ZNF407: variants seen among roughly 807,000 people sequenced by gnomAD.
ZNF407 encodes zinc finger protein 407.
ZNF407 carries 17 observed loss-of-function variants against 131.2 expected under a neutral mutation model. The ratio of observed to expected loss-of-function variants is 0.13; its 90% CI spans 0.09 to 0.19. The LOEUF is 0.19. Ranked by LOEUF, ZNF407 falls within the 10% of genes least tolerant of loss-of-function variation. ZNF407 has a pLI of 1.00. For synonymous variants in ZNF407, 1,156 were observed against 1,062.0 expected, an observed-to-expected ratio of 1.09 and a Z score of -1.72; for missense variants, 2,681 against 2,830.6, an observed-to-expected ratio of 0.95 and a Z score of 1.20.
intron 8 of ZNF407, chr18:75,061,770 A>T (rs1335398584): frequency 6.6e-6 from 1 of 152,492 alleles, no homozygotes; most frequent in African/African-American, 2.4e-5. Context: ...CAGGGGATGC[A>T]CCCAGCTCCG....
intron 1 of ZNF407, among the ~76,000 whole-genome samples, chr18:74,605,149 T>C (rs185781130): frequency 8.5e-5 from 13 of 152,290 alleles, no homozygotes; most frequent in Admixed American, 5.9e-4. Flanking sequence ...GGGGTCTGCC[T>C]TCCCGGGGCC....
intron 3 of ZNF407, among the ~76,000 whole-genome samples, chr18:74,720,388 A>G (rs1339658537): frequency 3.3e-5 from 5 of 149,922 alleles, no homozygotes; most frequent in African/African-American, 7.3e-5. Flanking sequence ...AATTCTTTCT[A>G]TAAGTGGTGA....
chr18:74,888,429 A>G (rs1264422346), intron 6 of ZNF407, among the ~76,000 whole-genome samples: 1 of 152,142 alleles, frequency 6.6e-6, no homozygotes, highest in East Asian at 1.9e-4. Flanking sequence ...CATCAAATCA[A>G]TGTAACATTA....
In ZNF407 at chr18:74,721,594, A is replaced by T. The variant is rs533372857; in HGVS notation, c.4803-59834A>T. On this transcript the variant is annotated intron_variant, in intron 3 of 8. Transcript: ENST00000299687. ...AAAATCTATAGTGTTTCTGTGAAAA[A>T]TTTTTTTTTATTTTCAAAATATTTG... is the stretch of plus-strand genomic sequence containing the variant. Among the ~76,000 whole-genome samples the T allele has an allele frequency of 6.8e-4, 103 of 151,986 alleles. No individual in the cohort carries two copies. In the South Asian group the frequency reaches 8.3e-3, roughly 12 times the overall value.
At chr18:74,823,855 A>G (rs1970374451) in intron 4 of ZNF407, among the ~76,000 whole-genome samples, 1 of 152,216 alleles carries the variant, frequency 6.6e-6, no homozygotes, top group African/African-American at 2.4e-5. Flanking sequence ...CTCTGGACCA[A>G]GCAGACCTAA....
At chr18:74,676,064 A>G (rs901114079) in intron 3 of ZNF407, among the ~76,000 whole-genome samples, 1 of 152,108 alleles carries the variant, frequency 6.6e-6, no homozygotes, top group Non-Finnish European at 1.5e-5. Context: ...TTTTCAACTT[A>G]CATTTTTTTG....
rs749436790 is a variant in ZNF407 at position 74,631,161 on chromosome 18, A to G, written c.142A>G (p.Met48Val). 4 of 1,613,860 alleles carry G rather than the reference A, an allele frequency of 2.5e-6. No individual in the cohort carries two copies. The highest frequency in any genetic ancestry group is 2.2e-5 in the South Asian group (2 of 91,080). Residue 48 changes from methionine (M) to valine (V), a missense_variant, in exon 2 of 9, where the codon ATG becomes GTG. By Grantham distance (21) the Met-to-Val change is conservative (BLOSUM62 1). This residue lies in a region of ZNF407 where 1,789 missense variants were observed against 1,748.7 expected (regional missense o/e 1.02). Transcript: ENST00000299687. ...DVIASFPENS[M>V]GKRGFSESSN... ...GATAGCAAGTTTCCCTGAGAATTCT[A>G]TGGGCAAAAGAGGTTTTTCAGAATC... is the stretch of plus-strand genomic sequence containing the variant.
intron 8 of ZNF407, among the ~76,000 whole-genome samples, chr18:74,990,913 T>G (rs777741390): frequency 6.6e-6 from 1 of 152,168 alleles, no homozygotes; most frequent in Non-Finnish European, 1.5e-5. Flanking sequence ...CTCCCTTGTC[T>G]TCAAGACACA....
At chr18:75,024,962 A>G (rs2122210403) in intron 8 of ZNF407, among the ~76,000 whole-genome samples, 1 of 152,350 alleles carries the variant, frequency 6.6e-6, no homozygotes, top group East Asian at 1.9e-4. Flanking sequence ...ATTTAAAAAA[A>G]TGTGTGTTTG....
chr18:74,888,686 A>T (rs973286826), intron 6 of ZNF407, among the ~76,000 whole-genome samples: 1 of 152,182 alleles, frequency 6.6e-6, no homozygotes, highest in Non-Finnish European at 1.5e-5. Context: ...TTAAAATTAA[A>T]TATCCTTGTT....
At chr18:74,949,020 A>G (rs1023368907) in intron 8 of ZNF407, among the ~76,000 whole-genome samples, 3 of 152,234 alleles carry the variant, frequency 2.0e-5, no homozygotes, top group Non-Finnish European at 4.4e-5. Context: ...AAGGAAGTCT[A>G]CAGCCAGCCA....
intron 3 of ZNF407, among the ~76,000 whole-genome samples, chr18:74,641,775 A>G (rs1984732258): frequency 1.3e-5 from 2 of 152,228 alleles, no homozygotes; most frequent in Non-Finnish European, 2.9e-5. Flanking sequence ...TGATTAATTT[A>G]GCAGAAATGT....
chr18:74,768,802 C>T (rs942040170), intron 3 of ZNF407, among the ~76,000 whole-genome samples: 9 of 152,176 alleles, frequency 5.9e-5, no homozygotes, highest in African/African-American at 1.4e-4. Context: ...TTATTACCCT[C>T]TTTGGCCATA....
chr18:74,980,461 G>A (rs1030213434), intron 8 of ZNF407, among the ~76,000 whole-genome samples: 4 of 151,756 alleles, frequency 2.6e-5, no homozygotes, highest in South Asian at 2.1e-4. Flanking sequence ...CCACTACCAC[G>A]CCCGGCTAAT....
intron 4 of ZNF407, among the ~76,000 whole-genome samples, chr18:74,867,474 C>T (rs937030706): frequency 6.6e-6 from 1 of 152,254 alleles, no homozygotes; most frequent in East Asian, 1.9e-4. Context: ...AATATTGACT[C>T]GAATACATAC....
At chr18:74,738,478 G>A (rs1318884722) in intron 3 of ZNF407, among the ~76,000 whole-genome samples, 5 of 145,824 alleles carry the variant, frequency 3.4e-5, no homozygotes, top group Non-Finnish European at 4.4e-5. Flanking sequence ...GGTGGCTCAT[G>A]CCTGTAATGC....
At chr18:74,757,847 A>G (rs1380186317) in intron 3 of ZNF407, among the ~76,000 whole-genome samples, 1 of 152,008 alleles carries the variant, frequency 6.6e-6, no homozygotes, top group Non-Finnish European at 1.5e-5. Context: ...TTCATTCTTT[A>G]TAGAGTACCA....
intron 4 of ZNF407, among the ~76,000 whole-genome samples, chr18:74,832,532 A>C (rs572821331): frequency 6.6e-6 from 1 of 151,740 alleles, no homozygotes; most frequent in Non-Finnish European, 1.5e-5. Context: ...ATAGCTCCCT[A>C]TAGCCTTAAA....
At chr18:74,849,325 G>A (rs1318608939) in intron 4 of ZNF407, among the ~76,000 whole-genome samples, 2 of 152,052 alleles carry the variant, frequency 1.3e-5, no homozygotes, top group African/African-American at 2.4e-5. Context: ...TGATCCGCCC[G>A]CCTGTGCCTC....
Sources: gnomAD v4.1 joint callset for allele counts (sites outside exome capture counted in the v4.1 genomes callset) on GRCh38, gnomAD v4.1.1 for gene constraint, gnomAD v4.1.1 regional missense constraint, MANE v1.5 for transcripts, NCBI Gene and HGNC (gene_info 2026-07-23, HGNC 2026-07-21) for gene names.